The following LRMDA variants were observed in gnomAD, a reference collection of about 807,000 sequenced individuals.
LRMDA encodes leucine rich melanocyte differentiation associated.
LRMDA carries 18 observed loss-of-function variants against 29.8 expected under a neutral mutation model. That is an observed-to-expected ratio of 0.60 (90% CI 0.42 to 0.90). The LOEUF (loss-of-function observed/expected upper bound fraction) is 0.90, where lower values mean the gene tolerates loss of function less well. LRMDA is among the 40% of genes least tolerant of loss of function. The pLI is 0.00. For missense variants in LRMDA, 273 were observed against 273.9 expected (o/e 1.00, Z 0.02); for synonymous variants, 125 against 109.4 (o/e 1.14, Z -0.89).
intron 2 of LRMDA, among the ~76,000 whole-genome samples, chr10:75,449,852 G>C (rs995977086): frequency 2.0e-5 from 3 of 152,122 alleles, no homozygotes; most frequent in Admixed American, 1.3e-4. Context: ...GCCAGCCTTG[G>C]GACTGGGGGA....
intron 2 of LRMDA, among the ~76,000 whole-genome samples, chr10:75,796,266 G>A (rs556723535): frequency 6.6e-6 from 1 of 152,280 alleles, no homozygotes; most frequent in Non-Finnish European, 1.5e-5. Context: ...CTCATTCTTA[G>A]TATTAGAAGG....
At chr10:75,586,696 G>T (rs1205169342) in intron 2 of LRMDA, among the ~76,000 whole-genome samples, 1 of 151,826 alleles carries the variant, frequency 6.6e-6, no homozygotes, top group Non-Finnish European at 1.5e-5. Flanking sequence ...ATAACTCATG[G>T]TTTTGATTTG....
chr10:76,134,078 A>G (rs963040471), intron 5 of LRMDA, among the ~76,000 whole-genome samples: 1 of 152,206 alleles, frequency 6.6e-6, no homozygotes, highest in African/African-American at 2.4e-5. Flanking sequence ...GCATAATCTC[A>G]GAGAGCTTTC....
chr10:76,358,172 C>T (rs1208858605), intron 6 of LRMDA, among the ~76,000 whole-genome samples: 1 of 152,182 alleles, frequency 6.6e-6, no homozygotes, highest in Non-Finnish European at 1.5e-5. Flanking sequence ...CATTTCCTGA[C>T]TGCAATACTT....
intron 6 of LRMDA, among the ~76,000 whole-genome samples, chr10:76,423,004 T>C (rs780648768): frequency 2.0e-5 from 3 of 152,250 alleles, no homozygotes; most frequent in Non-Finnish European, 4.4e-5. Flanking sequence ...GAGAAAGTTA[T>C]ATCCTATTTT....
chr10:76,410,704 A>C (rs1841951195), intron 6 of LRMDA, among the ~76,000 whole-genome samples: 2 of 152,120 alleles, frequency 1.3e-5, no homozygotes, highest in African/African-American at 4.8e-5. Flanking sequence ...CTATAATCCC[A>C]GCACTTTGGG....
chr10:75,957,872 A>T (rs1228013754), intron 2 of LRMDA, among the ~76,000 whole-genome samples: 6 of 152,144 alleles, frequency 3.9e-5, no homozygotes, highest in Non-Finnish European at 7.4e-5. Flanking sequence ...TGGTCGCAGT[A>T]TATGTAATAA....
At chr10:75,559,658 G>T (rs1284681626) in intron 2 of LRMDA, among the ~76,000 whole-genome samples, 1 of 149,464 alleles carries the variant, frequency 6.7e-6, no homozygotes, top group African/African-American at 2.4e-5. Context: ...GGGTTTTTAT[G>T]GTTTTAGGTC....
chr10:76,241,400 C>T (rs1852275450), intron 5 of LRMDA, among the ~76,000 whole-genome samples: 1 of 152,098 alleles, frequency 6.6e-6, no homozygotes, highest in Non-Finnish European at 1.5e-5. Flanking sequence ...ATGATGGTGA[C>T]CTAAGTCCAT....
At chr10:75,727,966 G>A (rs1842649866) in intron 2 of LRMDA, among the ~76,000 whole-genome samples, 1 of 152,038 alleles carries the variant, frequency 6.6e-6, no homozygotes, top group South Asian at 2.1e-4. Flanking sequence ...CTTAATAAAG[G>A]GAAAAAGGGA....
At chr10:75,714,808 T>G (rs1308738390) in intron 2 of LRMDA, among the ~76,000 whole-genome samples, 1 of 152,030 alleles carries the variant, frequency 6.6e-6, no homozygotes, top group Non-Finnish European at 1.5e-5. Flanking sequence ...TTTTGTTCCC[T>G]TCCTCCTTCT....
chr10:75,451,122 G>C (rs928952208), intron 2 of LRMDA: 3 of 152,188 alleles, frequency 2.0e-5, no homozygotes, highest in Non-Finnish European at 4.4e-5. Context: ...TGTAGTCTTA[G>C]GTAGTTATGA....
At chr10:76,291,623 C>G (rs547145430) in intron 5 of LRMDA, among the ~76,000 whole-genome samples, 1 of 151,994 alleles carries the variant, frequency 6.6e-6, no homozygotes, top group South Asian at 2.1e-4. Context: ...AGCATTAATG[C>G]TCTTAAGTGG....
rs1841526946 is a variant in LRMDA at position 76,376,871 on chromosome 10, T to C, written c.601+52386T>C. 2.9e-5 allele frequency among the ~76,000 whole-genome samples: 2 copies of C among 68,378 alleles called. 1 individual carries two copies. The highest frequency in any genetic ancestry group is 1.8e-4 in the African/African-American group (2 of 11,052). The allele number at this position is 68,378 out of a possible 152,430, so 44.9% of individuals were successfully genotyped here. ...TTGTTGGGCACTTGGAAGTCTTTTT[T>C]TTTTTTTTTTTTTTTTTTTTTTTTT... On this transcript the variant is annotated intron_variant, in intron 6 of 6. Coordinates refer to ENST00000611255, the MANE Select transcript of LRMDA (RefSeq NM_001305581.2).
chr10:76,059,284 G>A (rs912213818), intron 5 of LRMDA, among the ~76,000 whole-genome samples: 2 of 152,178 alleles, frequency 1.3e-5, no homozygotes, highest in Non-Finnish European at 2.9e-5. Flanking sequence ...GTGTCCCTAG[G>A]CTGGCATGTG....
intron 6 of LRMDA, among the ~76,000 whole-genome samples, chr10:76,515,751 G>A (rs1218567605): frequency 7.2e-5 from 11 of 152,054 alleles, no homozygotes; most frequent in South Asian, 2.1e-4. Flanking sequence ...GCAATCTGCC[G>A]CCTCGGCCTC....
chr10:75,832,590 TG>T (rs1190948246), intron 2 of LRMDA, among the ~76,000 whole-genome samples: 12 of 152,196 alleles, frequency 7.9e-5, no homozygotes, highest in Admixed American at 5.9e-4. Flanking sequence ...ATCTTTTCAG[TG>T]GCACCCCATT....
At chr10:75,651,143 G>A (rs10824325) in intron 2 of LRMDA, among the ~76,000 whole-genome samples, 30,780 of 152,052 alleles carry the variant, frequency 0.2, 7,742 homozygotes, top group African/African-American at 0.59. Flanking sequence ...TATTTTCACA[G>A]TGAGGTTTCT....
At chr10:75,809,956 G>T (rs1294851188) in intron 2 of LRMDA, among the ~76,000 whole-genome samples, 1 of 152,132 alleles carries the variant, frequency 6.6e-6, no homozygotes, top group East Asian at 1.9e-4. Flanking sequence ...ATCAACTGTG[G>T]GGTCCTTCTG....
Sources: allele counts gnomAD v4.1 joint callset (sites outside exome capture counted in the v4.1 genomes callset), GRCh38; gene constraint gnomAD v4.1.1; transcripts MANE v1.5; gene names NCBI Gene and HGNC (gene_info 2026-07-23, HGNC 2026-07-21).